E2F7: variants seen among roughly 807,000 people sequenced by gnomAD.
E2F7 encodes the protein transcription factor E2F7.
In E2F7, 35 loss-of-function variants were observed where a neutral mutation model predicts 81.1. The observed-to-expected ratio is 0.43, with a 90% CI of 0.33 to 0.57. The LOEUF is 0.57. Ranked by LOEUF, E2F7 falls within the 20% of genes least tolerant of loss-of-function variation. The pLI is 0.04. For synonymous variants in E2F7, 416 were observed against 416.2 expected, an observed-to-expected ratio of 1.00 and a Z score of 0.01; for missense variants, 961 against 1,093.7, an observed-to-expected ratio of 0.88 and a Z score of 1.71.
At position 77,046,311 on chromosome 12, in the gene E2F7, T is replaced by TG; in HGVS notation, c.555dup (p.Ile186HisfsTer3). 6.2e-7 allele frequency: 1 copy of TG among 1,613,386 alleles called. No individual in the cohort carries two copies. The highest frequency in any genetic ancestry group is 8.5e-7 in the Non-Finnish European group (1 of 1,179,472). On this transcript the variant is annotated frameshift_variant, in exon 5 of 13. Coordinates refer to ENST00000322886, the MANE Select transcript of E2F7 (RefSeq NM_203394.3). LOFTEE classifies it high-confidence loss of function. ...TCCAGCACATTTACAATGTCATAGA[T>TG]GCGTCTCCTTTCCACACCTGTTTGA...
chr12:77,025,184 T>C (rs1037662859), intron 12 of E2F7, among the ~76,000 whole-genome samples: 4 of 152,198 alleles, frequency 2.6e-5, no homozygotes. Flanking sequence ...TGATTGTTTT[T>C]ATAGCTGTAT....
At position 77,061,097 on chromosome 12, in the gene E2F7, C is replaced by T. The variant is rs576904335; in HGVS notation, c.93+3446G>A. Among the ~76,000 whole-genome samples, 7 of 152,240 alleles carry T rather than the reference C, an allele frequency of 4.6e-5. No individual in the cohort carries two copies. In the East Asian group the frequency reaches 1.2e-3, roughly 25 times the overall value. On this transcript the variant is annotated intron_variant, in intron 2 of 12. Coordinates refer to ENST00000322886, the MANE Select transcript of E2F7 (RefSeq NM_203394.3). The stretch of plus-strand genomic sequence containing the variant: ...CTATTTTCACTCTTACAAACCAAAC[C>T]GCAAGAGTGCACACACAACCCTCTG...
intron 2 of E2F7, among the ~76,000 whole-genome samples, chr12:77,062,500 A>G (rs956844524): frequency 6.6e-6 from 1 of 152,190 alleles, no homozygotes; most frequent in African/African-American, 2.4e-5. Flanking sequence ...CCCTGTTCTC[A>G]TCTCTTGCCT....
chr12:77,044,933 A>G (rs55733823), intron 5 of E2F7, 138 bp from the exon 6 acceptor site: 10,568 of 1,007,560 alleles, frequency 0.01, 105 homozygotes, highest in African/African-American at 0.045. Context: ...CTTACTGGAT[A>G]CACATCACAG....
At chr12:77,054,737 T>C (rs1399656797) in intron 3 of E2F7, among the ~76,000 whole-genome samples, 3 of 152,208 alleles carry the variant, frequency 2.0e-5, no homozygotes, top group Non-Finnish European at 2.9e-5. Flanking sequence ...ACGATTCCCA[T>C]TGGCTGATTT....
In E2F7 at chr12:77,065,527, G is replaced by C. The variant is rs1417088458; in HGVS notation, c.-183C>G. 6.6e-6 allele frequency: 1 copy of C among 152,368 alleles called. No individual in the cohort carries two copies. Among genetic ancestry groups the C allele is most frequent in the African/African-American group, 2.4e-5 (1 of 41,466 alleles). 9.4% of individuals were successfully genotyped at this position (152,368 alleles called of 1,614,324 possible). ...ACCCCGCGGCGTCCGGGCAGCGCCA[G>C]CGCTCAGACCGGCCGAGCGCAACTC... On this transcript the variant is annotated 5_prime_UTR_variant, in exon 1 of 13. Coordinates refer to ENST00000322886, the MANE Select transcript of E2F7 (RefSeq NM_203394.3).
At position 77,050,726 on chromosome 12, in the gene E2F7, T is replaced by C; in HGVS notation, c.388A>G (p.Ser130Gly). The change falls in exon 4 of 13, where the codon AGT becomes GGT. Residue 130 changes from serine (S) to glycine (G), a missense_variant. By Grantham distance (56) the Ser-to-Gly change is moderately conservative. Transcript: ENST00000322886. ...TGCTTTTCAAATTCGTCCACAGCACTGTCCCCAACAACATCAAGCTACAGA... is the reference window on the plus strand; with the variant it reads ...TGCTTTTCAAATTCGTCCACAGCACCGTCCCCAACAACATCAAGCTACAGA... ...DSLQLDVVGD[S>G]AVDEFEKQRP... 1 of 1,613,598 alleles carries C rather than the reference T, an allele frequency of 6.2e-7. No homozygotes were observed. The highest frequency in any genetic ancestry group is 8.5e-7 in the Non-Finnish European group (1 of 1,179,802).
At chr12:77,063,554 A>G (rs1016179712) in intron 2 of E2F7, among the ~76,000 whole-genome samples, 1 of 151,526 alleles carries the variant, frequency 6.6e-6, no homozygotes, top group East Asian at 2.0e-4. Context: ...TATTATCCAC[A>G]GTTTCAGGTA....
At chr12:77,044,603 G>A in intron 6 of E2F7, 34 bp downstream of exon 6, 1 of 1,607,424 alleles carries the variant, frequency 6.2e-7, no homozygotes, top group East Asian at 2.2e-5. Flanking sequence ...CACCCTTTAT[G>A]TGCTAGTAAG....
chr12:77,046,477 A>C lies in E2F7; in HGVS notation c.539-149T>G, dbSNP rs1473018650. The C allele has an allele frequency of 3.7e-6, 3 of 800,872 alleles. No homozygotes were observed. In the African/African-American group the frequency reaches 5.2e-5, roughly 14 times the overall value. 49.6% of individuals were successfully genotyped at this position (800,872 alleles called of 1,614,324 possible). A position where few individuals can be genotyped will look rare whatever the true frequency, so the allele number is the denominator to read the frequency against. On this transcript the variant is annotated intron_variant, in intron 4 of 12. Transcript: ENST00000322886. Reference sequence around the variant, plus strand: ...TGGATGCTCAAGGAATTCAACCTGTAAGGATGCAAGCAATATAAATTATTT... The same window carrying C: ...TGGATGCTCAAGGAATTCAACCTGTCAGGATGCAAGCAATATAAATTATTT...
chr12:77,055,197 G>A (rs58066047), intron 3 of E2F7, among the ~76,000 whole-genome samples: 1 of 152,020 alleles, frequency 6.6e-6, no homozygotes, highest in African/African-American at 2.4e-5. Flanking sequence ...GTTGTAATTC[G>A]AGACATCTTT....
chr12:77,052,217 A>G (rs1208268829), intron 3 of E2F7, among the ~76,000 whole-genome samples: 1 of 152,192 alleles, frequency 6.6e-6, no homozygotes, highest in Non-Finnish European at 1.5e-5. Flanking sequence ...TAATCTCTAG[A>G]TTAAATGCAA....
In E2F7 at chr12:77,033,860, G is replaced by T; in HGVS notation, c.1306C>A (p.Gln436Lys). ...TAGATTATGCAAGGGCAGATACCTTGTTCTTCTCTGTACGGGCTGCTCGGT... is the reference window on the plus strand; with the variant it reads ...TAGATTATGCAAGGGCAGATACCTTTTTCTTCTCTGTACGGGCTGCTCGGT... ...SEPSSPYREE[Q>K]GSGGYSLEIG... The change falls in exon 8 of 13, where the codon CAA (glutamine) becomes AAA (lysine). Residue 436 changes from glutamine to lysine, a missense_variant. Gln to Lys is a moderately conservative substitution (Grantham distance 53). This residue lies in a region of E2F7 where 587 missense variants were observed against 620.3 expected (regional missense o/e 0.95). Transcript: ENST00000322886. The T allele has an allele frequency of 6.2e-7, 1 of 1,602,108 alleles. No homozygotes were observed. Among genetic ancestry groups the T allele is most frequent in the Non-Finnish European group, 8.5e-7 (1 of 1,174,806 alleles).
intron 4 of E2F7, 101 bp from the exon 5 acceptor site, chr12:77,046,429 TC>T: frequency 7.7e-7 from 1 of 1,293,416 alleles, no homozygotes; most frequent in Non-Finnish European, 1.0e-6. Flanking sequence ...CTTTGTCTGA[TC>T]CCCAATATAA....
chr12:77,038,011 C>G (rs1954866498), intron 7 of E2F7, among the ~76,000 whole-genome samples: 1 of 151,944 alleles, frequency 6.6e-6, no homozygotes, highest in South Asian at 2.1e-4. Flanking sequence ...CACTATGAGA[C>G]AAAGTAGATT....
chr12:77,050,036 GCACA>G (rs1181772017), intron 4 of E2F7, among the ~76,000 whole-genome samples: 3 of 152,104 alleles, frequency 2.0e-5, no homozygotes, highest in Non-Finnish European at 4.4e-5. Context: ...TCATGCACGT[GCACA>G]CACGGATTCT....
chr12:77,044,841 C>G, intron 5 of E2F7, 46 bp from the exon 6 acceptor site: 1 of 1,593,456 alleles, frequency 6.3e-7, no homozygotes, highest in Non-Finnish European at 8.5e-7. Context: ...TGATTTTCTA[C>G]AAGAAAGACT....
chr12:77,063,941 G>T (rs1398362108), intron 2 of E2F7, among the ~76,000 whole-genome samples: 1 of 152,168 alleles, frequency 6.6e-6, no homozygotes, highest in Admixed American at 6.6e-5. Flanking sequence ...AGTTTACTTT[G>T]TAATGTTCTT....
rs766592882 is a variant in E2F7 at position 77,050,577 on chromosome 12, A to C, written c.537T>G (p.Leu179=). ...TCCAGGTAATCTGATGATACATACCAAGACTGACAGCAACTTCATCTAGGG... is the reference window on the plus strand; with the variant it reads ...TCCAGGTAATCTGATGATACATACCCAGACTGACAGCAACTTCATCTAGGG... The part of the protein sequence containing the change: ...TISLDEVAVS[L]GVERRRIYDI... Residue 179 remains leucine, a splice_region_variant and synonymous_variant, in exon 4 of 13, where the codon CTT becomes CTG. Transcript: ENST00000322886. 6.2e-7 allele frequency: 1 copy of C among 1,613,920 alleles called. No individual in the cohort carries two copies. Among genetic ancestry groups the C allele is most frequent in the Non-Finnish European group, 8.5e-7 (1 of 1,179,858 alleles).
Sources: allele counts gnomAD v4.1 joint callset (sites outside exome capture counted in the v4.1 genomes callset), GRCh38; gene constraint gnomAD v4.1.1; regional missense constraint gnomAD v4.1.1; transcripts MANE v1.5; gene names NCBI Gene and HGNC (gene_info 2026-07-23, HGNC 2026-07-21).